The following RNF10 variants were observed in gnomAD, a reference collection of about 807,000 sequenced individuals.
The protein encoded by RNF10 is E3 ubiquitin-protein ligase RNF10.
A neutral mutation model predicts 91.4 loss-of-function variants in RNF10; 38 were observed. That is an observed-to-expected ratio of 0.42 (90% confidence interval 0.32 to 0.54). The LOEUF (loss-of-function observed/expected upper bound fraction) is 0.54. RNF10 is among the 20% of genes least tolerant of loss of function. The pLI is 0.16. For missense variants in RNF10, 945 were observed against 1,012.0 expected (o/e 0.93, Z 0.90); for synonymous variants, 364 against 366.3 (o/e 0.99, Z 0.07).
chr12:120,560,122 GAGCTTTTCTTTTTCT>G (rs1365738217), intron 6 of RNF10, among the ~76,000 whole-genome samples: 1 of 150,496 alleles, frequency 6.6e-6, no homozygotes, highest in African/African-American at 2.4e-5. Context: ...TGGTTGGTTT[GAGCTTTTCTTTTTCT>G]GTGTGTGGTT....
At chr12:120,563,115 T>C (rs751466881) in intron 8 of RNF10, 45 bp downstream of exon 8, 2 of 1,612,864 alleles carry the variant, frequency 1.2e-6, no homozygotes, top group Admixed American at 1.7e-5. Context: ...CCTCAAATGC[T>C]GTCATTGAGC....
chr12:120,535,314 C>G (rs746201563), intron 1 of RNF10: 5 of 193,170 alleles, frequency 2.6e-5, no homozygotes, highest in Non-Finnish European at 4.2e-5. Flanking sequence ...CCTAAAACCA[C>G]TAAGTTGTTC....
At chr12:120,563,735 T>C in intron 9 of RNF10, 75 bp from the exon 10 acceptor site, 1 of 1,591,030 alleles carries the variant, frequency 6.3e-7, no homozygotes, top group Non-Finnish European at 8.6e-7. Flanking sequence ...GCTTGAGCCC[T>C]TGGGCATGGG....
chr12:120,553,529 C>T (rs554618329), intron 3 of RNF10, among the ~76,000 whole-genome samples: 31 of 151,772 alleles, frequency 2.0e-4, no homozygotes, highest in African/African-American at 7.5e-4. Context: ...CTCAGCCTCC[C>T]GAGTAGCTGG....
rs542232222 is a variant in RNF10, at chr12:120,543,523, C to T, written c.158-2882C>T. 1.1e-4 allele frequency among the ~76,000 whole-genome samples: 17 copies of T among 152,212 alleles called. No homozygotes were observed. The East Asian group carries it at 3.3e-3, about 29-fold the overall frequency. The stretch of plus-strand genomic sequence containing the variant: ...GCACAAAAAAATTTAAAAATTAGGT[C>T]GGGCCTGATGGCTCACGCCTGTAAT... On this transcript the variant is annotated intron_variant, in intron 1 of 16. Transcript: ENST00000325954.
At chr12:120,539,340 A>C in intron 1 of RNF10, 3 of 1,152,406 alleles carry the variant, frequency 2.6e-6, no homozygotes, top group Non-Finnish European at 2.3e-6. Flanking sequence ...ATCATTCCTG[A>C]TACCACCTCT....
At chr12:120,536,815 T>C (rs1336852146) in intron 1 of RNF10, among the ~76,000 whole-genome samples, 1 of 152,200 alleles carries the variant, frequency 6.6e-6, no homozygotes, top group Non-Finnish European at 1.5e-5. Flanking sequence ...GGCTCCTCTT[T>C]AAGCCACTAA....
chr12:120,555,180 C>G (rs1365307756), intron 4 of RNF10, among the ~76,000 whole-genome samples: 1 of 152,206 alleles, frequency 6.6e-6, no homozygotes, highest in African/African-American at 2.4e-5. Flanking sequence ...ATGAGCCACA[C>G]AGTTGTACTT....
chr12:120,539,445 C>T (rs1433432738), intron 1 of RNF10: 2 of 1,287,230 alleles, frequency 1.6e-6, no homozygotes, highest in African/African-American at 3.0e-5. Flanking sequence ...TCTGGAGGTG[C>T]TTGTCAACTA....
intron 11 of RNF10, 88 bp from the exon 12 acceptor site, chr12:120,565,340 A>C (rs769443680): frequency 1.2e-5 from 15 of 1,283,146 alleles, no homozygotes; most frequent in Non-Finnish European, 1.7e-5. Flanking sequence ...AGCTGGGCCT[A>C]CTGTTGTGGG....
chr12:120,574,121 C>T (rs1454149953), intron 14 of RNF10, among the ~76,000 whole-genome samples: 2 of 152,152 alleles, frequency 1.3e-5, no homozygotes, highest in Non-Finnish European at 2.9e-5. Context: ...ATGTCTAAAC[C>T]GTAGGAGACC....
Position 120,565,207 on chromosome 12 carries a change from C to A in RNF10, c.1783+18C>A. The A allele has an allele frequency of 6.6e-7, 1 of 1,510,272 alleles. No homozygotes were observed. The highest frequency in any genetic ancestry group is 9.2e-7 in the Non-Finnish European group (1 of 1,085,568). The allele number at this position is 1,510,272 out of a possible 1,614,324, so 93.6% of individuals were successfully genotyped here. ...GTTCTCAGGTGAGAATGCCCCTGCTCTGCTTCTCTTTATAGTAGGGTTCAG... is the reference window on the plus strand; with the variant it reads ...GTTCTCAGGTGAGAATGCCCCTGCTATGCTTCTCTTTATAGTAGGGTTCAG... On this transcript the variant is annotated intron_variant, in intron 11 of 16. Transcript: ENST00000325954.
intron 11 of RNF10, 101 bp downstream of exon 11, chr12:120,565,290 T>C (rs747790148): frequency 9.8e-6 from 11 of 1,125,944 alleles, no homozygotes; most frequent in Non-Finnish European, 1.5e-5. Flanking sequence ...GTATCATGAG[T>C]CTTAGTACCT....
intron 1 of RNF10, chr12:120,539,490 A>T (rs1320072452): frequency 1.7e-6 from 2 of 1,167,786 alleles, no homozygotes; most frequent in East Asian, 1.1e-4. Flanking sequence ...GCTTGTGATT[A>T]CAGCATGAAT....
intron 4 of RNF10, among the ~76,000 whole-genome samples, chr12:120,555,808 T>G (rs74484842): frequency 2.6e-5 from 4 of 151,582 alleles, no homozygotes; most frequent in Admixed American, 2.6e-4. Context: ...TTTTTTTTTT[T>G]GAGACAGTCT....
chr12:120,576,736 T>C lies in RNF10; in HGVS notation c.*70T>C. ...TTTTTTTTTCCCCCATGCTTTTGTT[T>C]GGCTGCTGTAATTTTTAAGTATTTG... On this transcript the variant is annotated 3_prime_UTR_variant, in exon 17 of 17. Transcript: ENST00000325954. The C allele has an allele frequency of 1.3e-6, 2 of 1,584,256 alleles. No individual in the cohort carries two copies. The highest frequency in any genetic ancestry group is 1.9e-5 in the Admixed American group (1 of 52,558).
chr12:120,571,884 C>T (rs529256076), intron 14 of RNF10, among the ~76,000 whole-genome samples: 6 of 152,190 alleles, frequency 3.9e-5, no homozygotes, highest in South Asian at 2.1e-4. Context: ...GGTGGGGGAA[C>T]GATAGGCTAG....
intron 12 of RNF10, 36 bp from the exon 13 acceptor site, chr12:120,566,789 G>A (rs781534090): frequency 6.8e-7 from 1 of 1,473,484 alleles, no homozygotes; most frequent in Non-Finnish European, 9.3e-7. Context: ...ATTGAATTCT[G>A]TAAATGGGTT....
intron 7 of RNF10, 108 bp downstream of exon 7, chr12:120,560,994 G>A (rs530434903): frequency 5.3e-6 from 6 of 1,127,152 alleles, no homozygotes; most frequent in East Asian, 2.5e-5. Flanking sequence ...GATGATGGAC[G>A]CTGGGGATTA....
Sources: allele counts gnomAD v4.1 joint callset (sites outside exome capture counted in the v4.1 genomes callset), GRCh38; gene constraint gnomAD v4.1.1; transcripts MANE v1.5; gene names NCBI Gene and HGNC (gene_info 2026-07-23, HGNC 2026-07-21).